Variants in NTN1 observed in about 807,000 individuals in gnomAD.
The protein encoded by NTN1 is netrin 1.
NTN1 carries 11 observed loss-of-function variants against 54.2 expected under a neutral mutation model. That is an observed-to-expected ratio of 0.20 (90% CI 0.13 to 0.34). The LOEUF is 0.34. NTN1 is among the 10% of genes least tolerant of loss of function. NTN1 has a pLI of 1.00. For synonymous variants in NTN1, 371 were observed against 382.0 expected (o/e 0.97, Z 0.33); for missense variants, 740 against 893.1 (o/e 0.83, Z 2.18).
At chr17:9,154,736 A>G (rs1015774241) in intron 2 of NTN1, among the ~76,000 whole-genome samples, 1 of 152,234 alleles carries the variant, frequency 6.6e-6, no homozygotes, top group Non-Finnish European at 1.5e-5. Flanking sequence ...ATGGAGCAGC[A>G]AAGTAATAAA....
At chr17:9,090,574 A>G (rs1282707028) in intron 2 of NTN1, among the ~76,000 whole-genome samples, 2 of 151,652 alleles carry the variant, frequency 1.3e-5, no homozygotes, top group Non-Finnish European at 2.9e-5. Context: ...GAGCAGAAAG[A>G]GGGGGATACA....
chr17:9,131,316 C>T (rs928868381), intron 2 of NTN1, among the ~76,000 whole-genome samples: 2 of 152,194 alleles, frequency 1.3e-5, no homozygotes, highest in East Asian at 1.9e-4. Context: ...ACTCTATGGT[C>T]TCCTAATGCG....
the NTN1 span, among the ~76,000 whole-genome samples, chr17:9,013,547 C>G: frequency 6.6e-6 from 1 of 152,080 alleles, no homozygotes; most frequent in Non-Finnish European, 1.5e-5. Context: ...TCACTGATAA[C>G]CTTTCATTCT....
chr17:9,142,442 A>T (rs1030042155), intron 2 of NTN1, among the ~76,000 whole-genome samples: 6 of 152,080 alleles, frequency 3.9e-5, no homozygotes, highest in Admixed American at 3.3e-4. Flanking sequence ...CTTCACCAGG[A>T]GGCTCAGGCT....
chr17:9,221,147 T>TCCACC lies in NTN1; in HGVS notation c.1412-19_1412-18insACCCC. The TCCACC allele has an allele frequency of 7.7e-7, 1 of 1,303,814 alleles. No homozygotes were observed. Among genetic ancestry groups the TCCACC allele is most frequent in the Admixed American group, 2.1e-5 (1 of 47,744 alleles). 80.8% of individuals were successfully genotyped at this position (1,303,814 alleles called of 1,614,324 possible). On this transcript the variant is annotated intron_variant, in intron 5 of 6. Transcript: ENST00000173229. This position sits in a 1 kb window ranked among gnomAD's most constrained non-coding sequence, Gnocchi z 4.5. ...CAGCCTAATTAGTTTTTGTCTGTGC[T>TCCACC]CCCCCCCCACCCCCCTGCAGACTGC...
the NTN1 span, among the ~76,000 whole-genome samples, chr17:9,007,051 C>T: frequency 2.0e-5 from 3 of 152,366 alleles, no homozygotes; most frequent in Middle Eastern, 3.4e-3. Context: ...AAATGCTAGC[C>T]GCCATGGTTA....
At chr17:9,193,933 A>C (rs933429497) in intron 5 of NTN1, among the ~76,000 whole-genome samples, 1 of 140,090 alleles carries the variant, frequency 7.1e-6, no homozygotes, top group Admixed American at 7.4e-5. Flanking sequence ...AAAAAAAAAA[A>C]AAAAAAAAAA....
intron 2 of NTN1, among the ~76,000 whole-genome samples, chr17:9,156,335 T>A (rs1053633589): frequency 6.6e-6 from 1 of 151,766 alleles, no homozygotes; most frequent in Non-Finnish European, 1.5e-5. Flanking sequence ...GACATGGTGA[T>A]CCTGTGTGCT....
At chr17:9,218,537 C>G (rs16958070) in intron 5 of NTN1, among the ~76,000 whole-genome samples, 12,624 of 152,220 alleles carry the variant, frequency 0.083, 561 homozygotes, top group Non-Finnish European at 0.09. Flanking sequence ...CAGGTAGACA[C>G]TTGGCTCTGG....
At chr17:9,232,299 A>G (rs1189996778) in intron 6 of NTN1, among the ~76,000 whole-genome samples, 1 of 151,716 alleles carries the variant, frequency 6.6e-6, no homozygotes, top group Non-Finnish European at 1.5e-5. Flanking sequence ...GCCCAGATCC[A>G]CTCCCTACTT....
intron 2 of NTN1, among the ~76,000 whole-genome samples, chr17:9,104,203 G>A (rs2092158936): frequency 6.6e-6 from 1 of 151,998 alleles, no homozygotes; most frequent in Non-Finnish European, 1.5e-5. Flanking sequence ...CCGAGGTTAG[G>A]GGAGTGGCAA....
chr17:9,035,017 G>A (rs2151511159), intron 2 of NTN1, among the ~76,000 whole-genome samples: 1 of 152,288 alleles, frequency 6.6e-6, no homozygotes, highest in South Asian at 2.1e-4. Context: ...CGTGATCGCG[G>A]CTCGCTGCAA....
In NTN1 at chr17:9,177,987, G is replaced by T. The variant is rs918477460; in HGVS notation, c.1208-1820G>T. ...AGGCGGGCAGATCACCTGAGGTCAGGAGTTCGAGACCAGCCTGGCTGACGT... is the reference window on the plus strand; with the variant it reads ...AGGCGGGCAGATCACCTGAGGTCAGTAGTTCGAGACCAGCCTGGCTGACGT... On this transcript the variant is annotated intron_variant, in intron 3 of 6. Coordinates refer to ENST00000173229, the MANE Select transcript of NTN1 (RefSeq NM_004822.3). Among the ~76,000 whole-genome samples the T allele has an allele frequency of 2.0e-5, 3 of 152,208 alleles. No individual in the cohort carries two copies. In the East Asian group the frequency reaches 5.8e-4, roughly 29 times the overall value.
intron 3 of NTN1, chr17:9,173,847 C>T (rs941885986): frequency 1.3e-5 from 2 of 152,314 alleles, no homozygotes; most frequent in Non-Finnish European, 2.9e-5. Flanking sequence ...CTGTTGCATT[C>T]CTCTGTCCCT....
At chr17:9,071,960 G>A (rs1334624464) in intron 2 of NTN1, among the ~76,000 whole-genome samples, 1 of 152,224 alleles carries the variant, frequency 6.6e-6, no homozygotes, top group Non-Finnish European at 1.5e-5. Flanking sequence ...GGCAGATGCT[G>A]CAGTTTCCAC....
Position 9,219,168 on chromosome 17 carries a change from C to T in NTN1, c.1412-2000C>T, listed in dbSNP as rs57083336. ...AGCGGCTGTTCCTCACAGGGAAGTG[C>T]GGCCGCGGTGCTGATGGTGCTGATG... On this transcript the variant is annotated intron_variant, in intron 5 of 6. Coordinates refer to ENST00000173229, the MANE Select transcript of NTN1 (RefSeq NM_004822.3). This position sits in a 1 kb window ranked among gnomAD's most constrained non-coding sequence, Gnocchi z 4.5. 5.6e-3 allele frequency among the ~76,000 whole-genome samples: 860 copies of T among 152,280 alleles called. 8 individuals are homozygous for T. The highest frequency in any genetic ancestry group is 0.02 in the African/African-American group (821 of 41,552).
chr17:9,203,463 A>G (rs977415348), intron 5 of NTN1, among the ~76,000 whole-genome samples: 2 of 152,110 alleles, frequency 1.3e-5, no homozygotes, highest in African/African-American at 4.8e-5. Context: ...GATGTCTGTA[A>G]AGTAGGGAGG....
intron 2 of NTN1, among the ~76,000 whole-genome samples, chr17:9,072,055 G>T (rs1029242403): frequency 6.6e-6 from 1 of 152,168 alleles, no homozygotes; most frequent in Non-Finnish European, 1.5e-5. Flanking sequence ...GAGGGAAGCC[G>T]GGGCTGGGAG....
At chr17:9,132,038 C>G (rs897219974) in intron 2 of NTN1, among the ~76,000 whole-genome samples, 4 of 151,706 alleles carry the variant, frequency 2.6e-5, no homozygotes, top group African/African-American at 9.7e-5. Context: ...CCTTGATGCC[C>G]ATTTGATGAA....
Sources: gnomAD v4.1 joint callset for allele counts (sites outside exome capture counted in the v4.1 genomes callset) on GRCh38, gnomAD v4.1.1 for gene constraint, Gnocchi (gnomAD v3.1) non-coding constraint, MANE v1.5 for transcripts, NCBI Gene and HGNC (gene_info 2026-07-23, HGNC 2026-07-21) for gene names.